Variants in CELSR1 observed in about 807,000 individuals in gnomAD.
CELSR1 encodes the protein cadherin EGF LAG seven-pass G-type receptor 1, also known as adhesion G protein-coupled receptor C1.
A neutral mutation model predicts 249.1 loss-of-function variants in CELSR1; 110 were observed. The observed-to-expected ratio is 0.44, with a 90% CI of 0.38 to 0.52. The LOEUF (loss-of-function observed/expected upper bound fraction) is 0.52. Among genes scored for constraint, CELSR1 ranks in the 20% least tolerant of loss-of-function variants. The pLI, the probability that CELSR1 is intolerant of heterozygous loss-of-function variation, is 0.00. For missense variants in CELSR1, 4,109 were observed against 4,296.4 expected (o/e 0.96, Z 1.22); for synonymous variants, 2,113 against 1,900.0 (o/e 1.11, Z -2.92).
rs868411294 is a variant in CELSR1, at chr22:46,512,566, C to G, written c.3544+21061G>C. ...CAGCCTGGGTGAAAGAGTGAGACTCCATCTCAACAACAACAAAAAATCAAG... is the reference window on the plus strand; with the variant it reads ...CAGCCTGGGTGAAAGAGTGAGACTCGATCTCAACAACAACAAAAAATCAAG... On this transcript the variant is annotated intron_variant, in intron 1 of 34. Transcript: ENST00000674500. The surrounding 1 kb of genome is among the most constrained non-coding windows in gnomAD (Gnocchi z 5.2). Among the ~76,000 whole-genome samples the G allele has an allele frequency of 6.6e-6, 1 of 152,070 alleles. No individual in the cohort carries two copies. The highest frequency in any genetic ancestry group is 2.1e-4 in the South Asian group (1 of 4,822).
intron 1 of CELSR1, among the ~76,000 whole-genome samples, chr22:46,486,038 C>T (rs866744368): frequency 4.7e-5 from 7 of 150,276 alleles, no homozygotes; most frequent in Non-Finnish European, 1.0e-4. Context: ...CCCAGGTTCA[C>T]GCCATTCTCC....
chr22:46,381,640 A>G lies in CELSR1; in HGVS notation c.7088+206T>C, dbSNP rs1332241349. 1.3e-5 allele frequency among the ~76,000 whole-genome samples: 2 copies of G among 152,168 alleles called. No individual in the cohort carries two copies. ...GATGAGCCCAGGCAAAGGGTGTGCA[A>G]TGTTCCAGGGTGTGGTATCCTGTGG... On this transcript the variant is annotated intron_variant, in intron 21 of 34. Transcript: ENST00000674500. The surrounding 1 kb of genome is among the most constrained non-coding windows in gnomAD (Gnocchi z 6.0).
intron 2 of CELSR1, among the ~76,000 whole-genome samples, chr22:46,444,729 C>T (rs2079797970): frequency 6.6e-6 from 1 of 152,222 alleles, no homozygotes; most frequent in Non-Finnish European, 1.5e-5. Context: ...CTCACAGTCG[C>T]ACAGGCCAGG....
intron 32 of CELSR1, 24 bp downstream of exon 32, chr22:46,365,207 G>C (rs1602018669): frequency 6.2e-7 from 1 of 1,606,552 alleles, no homozygotes; most frequent in Non-Finnish European, 8.5e-7. Context: ...GCCCAGCCTG[G>C]CCCAATGTGC....
At position 46,430,211 on chromosome 22, in the gene CELSR1, G is replaced by A. The variant is rs2079578740; in HGVS notation, c.4611+3182C>T. Reference sequence around the variant, plus strand: ...AGAGAACGAGACTGAAGAGAGGAGGGTGGGCAGCAGCGGCATGGCCCGCAC... The same window carrying A: ...AGAGAACGAGACTGAAGAGAGGAGGATGGGCAGCAGCGGCATGGCCCGCAC... On this transcript the variant is annotated intron_variant, in intron 5 of 34. Coordinates refer to ENST00000674500, the MANE Select transcript of CELSR1 (RefSeq NM_001378328.1). This position sits in a 1 kb window ranked among gnomAD's most constrained non-coding sequence, Gnocchi z 4.6. Among the ~76,000 whole-genome samples the A allele has an allele frequency of 6.6e-6, 1 of 152,224 alleles. No homozygotes were observed. The highest frequency in any genetic ancestry group is 1.5e-5 in the Non-Finnish European group (1 of 68,042).
At position 46,447,679 on chromosome 22, in the gene CELSR1, A is replaced by G. The variant is rs530085721; in HGVS notation, c.4184-8268T>C. 1.2e-4 allele frequency among the ~76,000 whole-genome samples: 19 copies of G among 152,234 alleles called. No individual in the cohort carries two copies. The highest frequency in any genetic ancestry group is 4.3e-4 in the African/African-American group (18 of 41,550). ...ACTCTGTCGCCCAGGCTGGAGTGCA[A>G]TGGTGCGATCTCGGCTCACAACCTC... On this transcript the variant is annotated intron_variant, in intron 2 of 34. Transcript: ENST00000674500. The surrounding 1 kb of genome is among the most constrained non-coding windows in gnomAD (Gnocchi z 4.7).
In CELSR1 at chr22:46,364,103, G is replaced by A. The variant is rs201676998; in HGVS notation, c.8928C>T (p.Cys2976=). The part of the protein sequence containing the change: ...TSSLGSGGPD[C]AITVKSPGRE... Reference sequence around the variant, plus strand: ...TCCCAGGGCTCTTGACTGTGATGGCGCAGTCGGGGCCGCCAGAGCCCAGGG... The same window carrying A: ...TCCCAGGGCTCTTGACTGTGATGGCACAGTCGGGGCCGCCAGAGCCCAGGG... The change falls in exon 34 of 35, where the codon TGC becomes TGT. Residue 2976 remains cysteine, a synonymous_variant. Coordinates refer to ENST00000674500, the MANE Select transcript of CELSR1 (RefSeq NM_001378328.1). 9.5e-5 allele frequency: 153 copies of A among 1,612,262 alleles called. No homozygotes were observed. Among genetic ancestry groups the A allele is most frequent in the East Asian group, 1.3e-4 (6 of 44,840 alleles).
intron 1 of CELSR1, among the ~76,000 whole-genome samples, chr22:46,466,840 G>A (rs942025378): frequency 6.6e-6 from 1 of 152,178 alleles, no homozygotes; most frequent in East Asian, 1.9e-4. Flanking sequence ...GAGGTAATGT[G>A]GGTCAATGAT....
rs888973239 is a variant in CELSR1, at chr22:46,362,560, A to T, written c.*663T>A. The T allele has an allele frequency of 2.6e-5, 4 of 152,568 alleles. No individual in the cohort carries two copies. Among genetic ancestry groups the T allele is most frequent in the African/African-American group, 9.6e-5 (4 of 41,460 alleles). The allele number at this position is 152,568 out of a possible 1,614,324, so 9.5% of individuals were successfully genotyped here. On this transcript the variant is annotated 3_prime_UTR_variant, in exon 35 of 35. Transcript: ENST00000674500. Reference sequence around the variant, plus strand: ...GATCTGCTGGGGCACCAGTTTCGTCAACACATGCCAGATTCAAGTACAACT... The same window carrying T: ...GATCTGCTGGGGCACCAGTTTCGTCTACACATGCCAGATTCAAGTACAACT...
At chr22:46,530,004 T>C (rs556578131) in intron 1 of CELSR1, among the ~76,000 whole-genome samples, 2 of 151,834 alleles carry the variant, frequency 1.3e-5, no homozygotes, top group Admixed American at 1.3e-4. Context: ...GAATATCTCA[T>C]GTACCTCATA....
chr22:46,373,471 A>G (rs553060946), intron 24 of CELSR1, among the ~76,000 whole-genome samples: 22 of 98,174 alleles, frequency 2.2e-4, no homozygotes, highest in East Asian at 3.5e-4. Context: ...GCAGCTTCAC[A>G]CCCAGTGCTC....
In CELSR1 at chr22:46,445,583, T is replaced by C. The variant is rs1265747483; in HGVS notation, c.4184-6172A>G. ...GACTTAAGGACCCAAACTCATTACA[T>C]CTGGAAAGAGCCCATTTCCAACTGA... On this transcript the variant is annotated intron_variant, in intron 2 of 34. Transcript: ENST00000674500. The surrounding 1 kb of genome is among the most constrained non-coding windows in gnomAD (Gnocchi z 4.4). 6.6e-6 allele frequency among the ~76,000 whole-genome samples: 1 copy of C among 152,174 alleles called. No individual in the cohort carries two copies. The highest frequency in any genetic ancestry group is 1.5e-5 in the Non-Finnish European group (1 of 68,030).
chr22:46,445,500 A>C lies in CELSR1; in HGVS notation c.4184-6089T>G, dbSNP rs2079808518. Reference sequence around the variant, plus strand: ...ACAGAGCAAGACTGTCTCTAAAAAAATGAATAAAAAATAAAGACACCAGTC... The same window carrying C: ...ACAGAGCAAGACTGTCTCTAAAAAACTGAATAAAAAATAAAGACACCAGTC... On this transcript the variant is annotated intron_variant, in intron 2 of 34. Coordinates refer to ENST00000674500, the MANE Select transcript of CELSR1 (RefSeq NM_001378328.1). This position sits in a 1 kb window ranked among gnomAD's most constrained non-coding sequence, Gnocchi z 4.4. 6.6e-6 allele frequency among the ~76,000 whole-genome samples: 1 copy of C among 152,178 alleles called. No homozygotes were observed. The highest frequency in any genetic ancestry group is 1.5e-5 in the Non-Finnish European group (1 of 68,016).
At position 46,367,865 on chromosome 22, in the gene CELSR1, G is replaced by GGCA. The variant is rs1569105821; in HGVS notation, c.7953-13_7953-11dup. ...GGTCCTCAGCAGGGAGCTGCGGGAG[G>GGCA]GCAGGATCAGGCCTGTGCCCATCGC... On this transcript the variant is annotated splice_polypyrimidine_tract_variant and intron_variant, in intron 27 of 34. Coordinates refer to ENST00000674500, the MANE Select transcript of CELSR1 (RefSeq NM_001378328.1). The GGCA allele has an allele frequency of 6.2e-7, 1 of 1,606,318 alleles. No individual in the cohort carries two copies. The highest frequency in any genetic ancestry group is 1.7e-5 in the Admixed American group (1 of 59,436).
chr22:46,426,973 C>T (rs978045061), intron 5 of CELSR1, among the ~76,000 whole-genome samples: 2 of 152,166 alleles, frequency 1.3e-5, no homozygotes, highest in African/African-American at 2.4e-5. Flanking sequence ...TGGGCTGGGA[C>T]GGCATCAGGG....
At chr22:46,525,449 C>CA (rs10585540) in intron 1 of CELSR1, among the ~76,000 whole-genome samples, 72,466 of 145,984 alleles carry the variant, frequency 0.5, 20,264 homozygotes, top group East Asian at 0.85. Flanking sequence ...AACTCTGTCT[C>CA]AAAAAAAAAA....
chr22:46,536,939 G>T lies in CELSR1; in HGVS notation c.232C>A (p.Arg78Ser). 8.6e-7 allele frequency: 1 copy of T among 1,161,624 alleles called. No individual in the cohort carries two copies. The highest frequency in any genetic ancestry group is 1.1e-6 in the Non-Finnish European group (1 of 944,686). The allele number at this position is 1,161,624 out of a possible 1,614,324, so 72.0% of individuals were successfully genotyped here. A position where few individuals can be genotyped will look rare whatever the true frequency, so the allele number is the denominator to read the frequency against. Residue 78 changes from arginine (R) to serine (S), a missense_variant, in exon 1 of 35, where the codon CGC (arginine) becomes AGC (serine). Coordinates refer to ENST00000674500, the MANE Select transcript of CELSR1 (RefSeq NM_001378328.1). ...GRDGRLAGRRRVSGAGRPLPL... is the reference protein window; with the variant it reads ...GRDGRLAGRRSVSGAGRPLPL... ...AGCGGGCGCCCCGCGCCCGAGACGC[G>T]CCGACGTCCTGCCAGCCGCCCATCG...
intron 28 of CELSR1, 22 bp from the exon 29 acceptor site, chr22:46,367,140 C>A: frequency 1.2e-6 from 2 of 1,606,508 alleles, no homozygotes; most frequent in South Asian, 2.2e-5. Flanking sequence ...AAGGTGGGGT[C>A]AGCACCTGCT....
At chr22:46,376,683 G>C (rs2078921726) in intron 24 of CELSR1, among the ~76,000 whole-genome samples, 1 of 151,962 alleles carries the variant, frequency 6.6e-6, no homozygotes, top group South Asian at 2.1e-4. Flanking sequence ...AATCACTTTT[G>C]ACAAGAGTTG....
Sources: allele counts gnomAD v4.1 joint callset (sites outside exome capture counted in the v4.1 genomes callset), GRCh38; gene constraint gnomAD v4.1.1; non-coding constraint Gnocchi (gnomAD v3.1); transcripts MANE v1.5; gene names NCBI Gene and HGNC (gene_info 2026-07-23, HGNC 2026-07-21).